The following SRGAP3 variants were observed in gnomAD, a reference collection of about 807,000 sequenced individuals.
SRGAP3 encodes SLIT-ROBO Rho GTPase activating protein 3, also known as SLIT-ROBO Rho GTPase-activating protein 3.
A neutral mutation model predicts 121.1 loss-of-function variants in SRGAP3; 39 were observed. The ratio of observed to expected loss-of-function variants is 0.32; its 90% CI spans 0.25 to 0.42. The LOEUF (loss-of-function observed/expected upper bound fraction) is 0.42, where lower values mean the gene tolerates loss of function less well. Among genes scored for constraint, SRGAP3 ranks in the 10% least tolerant of loss-of-function variants. SRGAP3 has a pLI of 1.00. For missense variants in SRGAP3, 1,213 were observed against 1,470.6 expected (o/e 0.82, Z 2.86); for synonymous variants, 601 against 570.0 (o/e 1.05, Z -0.77).
At chr3:9,130,209 A>C (rs528960221) in intron 1 of SRGAP3, among the ~76,000 whole-genome samples, 1 of 152,168 alleles carries the variant, frequency 6.6e-6, no homozygotes, top group African/African-American at 2.4e-5. Flanking sequence ...ACCACACACA[A>C]CACCACTCAC....
In SRGAP3 at chr3:9,312,881, A is replaced by G. The variant is rs188463857; in HGVS notation, n.442+13129T>C. On this transcript the variant is annotated intron_variant and non_coding_transcript_variant, in intron 3 of 3. Coordinates refer to the SRGAP3 transcript ENST00000490889. Reference sequence around the variant, plus strand: ...GTGGTGCCCACATGCAGTCCTAGCTATTAAGGAGACTGAGGCAGGGGGATC... The same window carrying G: ...GTGGTGCCCACATGCAGTCCTAGCTGTTAAGGAGACTGAGGCAGGGGGATC... Among the ~76,000 whole-genome samples the G allele has an allele frequency of 1.3e-3, 201 of 152,304 alleles. 2 individuals carry two copies. The South Asian group carries it at 0.025, about 19-fold the overall frequency.
chr3:9,150,360 G>C (rs887029932), intron 1 of SRGAP3, among the ~76,000 whole-genome samples: 1 of 151,844 alleles, frequency 6.6e-6, no homozygotes, highest in Non-Finnish European at 1.5e-5. Flanking sequence ...GAGGAAAAGG[G>C]AGCCTGGAGA....
chr3:9,257,056 T>G, intron 3 of SRGAP3: 8 of 388,046 alleles, frequency 2.1e-5, no homozygotes, highest in East Asian at 7.3e-5. Flanking sequence ...TCTTTATCTA[T>G]TCCTCAGTTA....
Position 8,985,980 on chromosome 3 carries a change from C to A in SRGAP3, c.2887-48G>T. ...TCAGCACAGTCTGGAGACCTGGAGT[C>A]AGGTCCTTCCTGTCTGCTAAGCAGC... On this transcript the variant is annotated intron_variant, in intron 21 of 21. Transcript: ENST00000383836. The surrounding 1 kb of genome is among the most constrained non-coding windows in gnomAD (Gnocchi z 5.1). 1.3e-6 allele frequency: 2 copies of A among 1,599,190 alleles called. No individual in the cohort carries two copies. Among genetic ancestry groups the A allele is most frequent in the East Asian group, 2.2e-5 (1 of 44,876 alleles).
chr3:9,287,626 T>C (rs1954798342), intron 3 of SRGAP3, among the ~76,000 whole-genome samples: 1 of 152,212 alleles, frequency 6.6e-6, no homozygotes, highest in South Asian at 2.1e-4. Flanking sequence ...TGAGGTGCAG[T>C]AAGCGTTGAA....
chr3:9,311,614 T>C (rs1475640211), intron 3 of SRGAP3, among the ~76,000 whole-genome samples: 1 of 152,224 alleles, frequency 6.6e-6, no homozygotes, highest in Non-Finnish European at 1.5e-5. Context: ...GAATTCTGTA[T>C]CATTTTCACA....
At chr3:9,285,356 G>C (rs1033550618) in intron 3 of SRGAP3, among the ~76,000 whole-genome samples, 2 of 152,174 alleles carry the variant, frequency 1.3e-5, no homozygotes, top group African/African-American at 4.8e-5. Context: ...CTTGGCATTT[G>C]AGAAAACAGC....
chr3:9,210,807 G>T (rs1952421615), intron 1 of SRGAP3, among the ~76,000 whole-genome samples: 1 of 152,150 alleles, frequency 6.6e-6, no homozygotes, highest in Non-Finnish European at 1.5e-5. Flanking sequence ...TCCAGCCTGG[G>T]TCACAGAGCG....
In SRGAP3 at chr3:9,274,036, T is replaced by C. The variant is rs1016284487; in HGVS notation, n.442+51974A>G. ...GCCTTCTAGATTAAAGGTCTTCCAC[T>C]CTAATCTGTTTCCACACCTGCTCTC... On this transcript the variant is annotated intron_variant and non_coding_transcript_variant, in intron 3 of 3. Coordinates refer to the SRGAP3 transcript ENST00000490889. Among the ~76,000 whole-genome samples, 4 of 152,306 alleles carry C rather than the reference T, an allele frequency of 2.6e-5. No individual in the cohort carries two copies. In the East Asian group the frequency reaches 7.7e-4, roughly 29 times the overall value.
chr3:9,072,776 G>C (rs1026359576), intron 4 of SRGAP3, among the ~76,000 whole-genome samples: 1 of 152,236 alleles, frequency 6.6e-6, no homozygotes, highest in Non-Finnish European at 1.5e-5. Flanking sequence ...TCGGTGTCAT[G>C]GGAAGGAAAC....
intron 18 of SRGAP3, among the ~76,000 whole-genome samples, chr3:9,006,105 TA>T (rs62775160): frequency 0.79 from 120,486 of 151,934 alleles, 48,262 homozygotes; most frequent in South Asian, 0.86. Flanking sequence ...CTTAATTTCT[TA>T]TGAAAAGGAG....
chr3:9,094,969 C>T (rs913212041), intron 3 of SRGAP3, among the ~76,000 whole-genome samples: 4 of 151,690 alleles, frequency 2.6e-5, no homozygotes, highest in African/African-American at 7.3e-5. Context: ...CCTATATTGC[C>T]CAGGCTTGTC....
chr3:8,990,214 G>A (rs543980572), intron 21 of SRGAP3, among the ~76,000 whole-genome samples: 69 of 152,314 alleles, frequency 4.5e-4, no homozygotes, highest in African/African-American at 1.6e-3. Flanking sequence ...AAACTGAATC[G>A]TATCATTTTG....
chr3:9,344,945 G>C (rs1013413854), intron 1 of SRGAP3, among the ~76,000 whole-genome samples: 1 of 152,054 alleles, frequency 6.6e-6, no homozygotes, highest in African/African-American at 2.4e-5. Context: ...GCTGAGGCAG[G>C]AGAATCACTT....
At chr3:9,099,943 G>A (rs1313597136) in intron 3 of SRGAP3, among the ~76,000 whole-genome samples, 2 of 152,228 alleles carry the variant, frequency 1.3e-5, no homozygotes, top group Admixed American at 1.3e-4. Context: ...CAGGGTCAGT[G>A]GAGTGGCAGA....
chr3:9,312,814 G>C lies in SRGAP3; in HGVS notation n.442+13196C>G, dbSNP rs147774258. Among the ~76,000 whole-genome samples, 660 of 151,892 alleles carry C rather than the reference G, an allele frequency of 4.3e-3. 6 individuals are homozygous for C. The highest frequency in any genetic ancestry group is 0.015 in the African/African-American group (621 of 41,386). On this transcript the variant is annotated intron_variant and non_coding_transcript_variant, in intron 3 of 3. Transcript: ENST00000490889. ...AGCCTGGGCAACATAGCGAGACCCT[G>C]TCTCTTCAAAAAATTAAAATTTAAA...
chr3:9,061,169 T>G (rs1946152877), intron 5 of SRGAP3, among the ~76,000 whole-genome samples: 2 of 152,094 alleles, frequency 1.3e-5, no homozygotes, highest in Admixed American at 1.3e-4. Context: ...GAGGCAGAGG[T>G]TGCAGTAAGC....
At chr3:9,148,976 G>A (rs1950117945) in intron 1 of SRGAP3, among the ~76,000 whole-genome samples, 1 of 152,086 alleles carries the variant, frequency 6.6e-6, no homozygotes, top group Admixed American at 6.6e-5. Context: ...AGCACTTTGG[G>A]AGGCTGAGGC....
At chr3:9,124,196 ATAAG>A (rs1949132483) in intron 2 of SRGAP3, among the ~76,000 whole-genome samples, 1 of 152,224 alleles carries the variant, frequency 6.6e-6, no homozygotes, top group Non-Finnish European at 1.5e-5. Flanking sequence ...TGCATCGAAA[ATAAG>A]TAAATAAGGC....
Sources: gnomAD v4.1 joint callset for allele counts (sites outside exome capture counted in the v4.1 genomes callset) on GRCh38, gnomAD v4.1.1 for gene constraint, Gnocchi (gnomAD v3.1) non-coding constraint, MANE v1.5 for transcripts, NCBI Gene and HGNC (gene_info 2026-07-23, HGNC 2026-07-21) for gene names.